ANKRD12: variants seen among roughly 807,000 people sequenced by gnomAD.
The protein encoded by ANKRD12 is ankyrin repeat domain-containing protein 12.
ANKRD12 carries 85 observed loss-of-function variants against 183.4 expected under a neutral mutation model. That is an observed-to-expected ratio of 0.46 (90% confidence interval 0.39 to 0.56). The LOEUF (loss-of-function observed/expected upper bound fraction) is 0.56. Among genes scored for constraint, ANKRD12 ranks in the 20% least tolerant of loss-of-function variants. ANKRD12 has a pLI of 0.00. For synonymous variants in ANKRD12, 914 were observed against 800.2 expected (o/e 1.14, Z -2.40); for missense variants, 2,405 against 2,357.1 (o/e 1.02, Z -0.42).
At chr18:9,188,287 A>G (rs898645228) in intron 2 of ANKRD12, among the ~76,000 whole-genome samples, 8 of 152,232 alleles carry the variant, frequency 5.3e-5, no homozygotes, top group African/African-American at 1.9e-4. Flanking sequence ...TATGATGGGC[A>G]GTAAGTCTGC....
chr18:9,138,054 A>G (rs1174449190), intron 1 of ANKRD12, among the ~76,000 whole-genome samples: 6 of 152,220 alleles, frequency 3.9e-5, no homozygotes, highest in Non-Finnish European at 7.3e-5. Flanking sequence ...TGTGTTGCAG[A>G]TCCAGTGCTG....
intron 11 of ANKRD12, among the ~76,000 whole-genome samples, chr18:9,276,382 A>G (rs980914896): frequency 6.6e-6 from 1 of 152,172 alleles, no homozygotes; most frequent in African/African-American, 2.4e-5. Context: ...TTTCTCATCT[A>G]TAAAAAAATC....
chr18:9,199,080 G>A (rs548477232), intron 3 of ANKRD12, among the ~76,000 whole-genome samples: 4 of 152,102 alleles, frequency 2.6e-5, no homozygotes, highest in Admixed American at 6.6e-5. Context: ...ATCACTTGAG[G>A]CCAGGAGTTT....
chr18:9,265,956 G>A (rs985611895), intron 10 of ANKRD12, among the ~76,000 whole-genome samples: 3 of 152,178 alleles, frequency 2.0e-5, no homozygotes, highest in South Asian at 2.1e-4. Context: ...ACCAAGGCAC[G>A]AGAACTACAT....
chr18:9,260,445 ATGC>A (rs1474722152), intron 9 of ANKRD12: 2 of 152,206 alleles, frequency 1.3e-5, no homozygotes, highest in African/African-American at 4.8e-5. Flanking sequence ...TTTAATCAAA[ATGC>A]TGCCATTTTT....
chr18:9,169,213 T>C (rs919728695), intron 1 of ANKRD12, among the ~76,000 whole-genome samples: 2 of 152,338 alleles, frequency 1.3e-5, no homozygotes, highest in Non-Finnish European at 2.9e-5. Flanking sequence ...TGGAGAGTTC[T>C]GTAGATGTCT....
chr18:9,148,510 TTTA>T (rs2078569068), intron 1 of ANKRD12, among the ~76,000 whole-genome samples: 1 of 152,212 alleles, frequency 6.6e-6, no homozygotes, highest in South Asian at 2.1e-4. Context: ...TAATGAAAAT[TTTA>T]TTTTTTAAAA....
intron 1 of ANKRD12, among the ~76,000 whole-genome samples, chr18:9,160,866 G>T (rs1275596689): frequency 6.6e-6 from 1 of 152,168 alleles, no homozygotes; most frequent in Non-Finnish European, 1.5e-5. Flanking sequence ...TTTAGATAGG[G>T]TTGAAATGAA....
intron 1 of ANKRD12, among the ~76,000 whole-genome samples, chr18:9,176,049 A>G (rs12958093): frequency 0.56 from 85,426 of 151,920 alleles, 25,029 homozygotes; most frequent in South Asian, 0.75. Flanking sequence ...AAGGATGTTT[A>G]TCTGTGTATC....
At chr18:9,237,066 T>TA (rs2037389435) in intron 8 of ANKRD12, among the ~76,000 whole-genome samples, 1 of 152,014 alleles carries the variant, frequency 6.6e-6, no homozygotes, top group Non-Finnish European at 1.5e-5. Context: ...TTACACATTT[T>TA]AAAAAAAGAA....
At chr18:9,164,514 C>G (rs1048189164) in intron 1 of ANKRD12, among the ~76,000 whole-genome samples, 1 of 152,118 alleles carries the variant, frequency 6.6e-6, no homozygotes, top group Non-Finnish European at 1.5e-5. Flanking sequence ...TGGTATCTTC[C>G]TAGCTTTTTG....
chr18:9,257,970 C>G lies in ANKRD12; in HGVS notation c.4703C>G (p.Thr1568Ser). The change falls in exon 9 of 13, where the codon ACT (threonine) becomes AGT (serine). Residue 1568 changes from threonine to serine, a missense_variant. Physicochemically the swap from Thr to Ser is moderately conservative, Grantham distance 58 (BLOSUM62 1). Around this residue, in one of 7 missense-constraint regions of ANKRD12, gnomAD observed 1,983 missense variants for 1,725.9 expected, o/e 1.15. Transcript: ENST00000262126. The stretch of plus-strand genomic sequence containing the variant: ...TTTGTCCCAGTGTACTCTGACAGCA[C>G]TATTCAAGAAGCATCACCAAACTTT... ...DAFVPVYSDS[T>S]IQEASPNFEK... 1 of 1,613,904 alleles carries G rather than the reference C, an allele frequency of 6.2e-7. No homozygotes were observed.
intron 8 of ANKRD12, among the ~76,000 whole-genome samples, chr18:9,225,049 C>T (rs544284072): frequency 4.6e-5 from 7 of 151,578 alleles, no homozygotes; most frequent in Non-Finnish European, 8.8e-5. Flanking sequence ...CAAGCTCCTG[C>T]CTCCAAAAAA....
At position 9,254,708 on chromosome 18, in the gene ANKRD12, A is replaced by G; in HGVS notation, c.1441A>G (p.Lys481Glu). Residue 481 changes from lysine (K) to glutamate (E), a missense_variant, in exon 9 of 13, where the codon AAA (lysine) becomes GAA (glutamate). Physicochemically the swap from Lys to Glu is moderately conservative, Grantham distance 56 (BLOSUM62 1). This residue lies in a region of ANKRD12 where 1,983 missense variants were observed against 1,725.9 expected (regional missense o/e 1.15). Coordinates refer to ENST00000262126, the MANE Select transcript of ANKRD12 (RefSeq NM_015208.5). ...TAAAAGAAAATTGAAAAATCAGAAT[A>G]AAAATAAAGAGAACCAAGAGCTAAA... ...KVKRKLKNQN[K>E]NKENQELKQE... The G allele has an allele frequency of 6.6e-7, 1 of 1,518,394 alleles. No individual in the cohort carries two copies. The highest frequency in any genetic ancestry group is 8.8e-7 in the Non-Finnish European group (1 of 1,136,660). 94.1% of individuals were successfully genotyped at this position (1,518,394 alleles called of 1,614,324 possible). A position where few individuals can be genotyped will look rare whatever the true frequency, so the allele number is the denominator to read the frequency against.
chr18:9,196,843 C>CT lies in ANKRD12; in HGVS notation c.235+1155dup, dbSNP rs572803235. On this transcript the variant is annotated intron_variant, in intron 3 of 12. Transcript: ENST00000262126. ...CTGGTTTCTTTGAGAGATTCAGAAT[C>CT]TTTTTTTTTTCCCCCCGAAGCATCC... is the stretch of plus-strand genomic sequence containing the variant. Among the ~76,000 whole-genome samples, 291 of 149,886 alleles carry CT rather than the reference C, an allele frequency of 1.9e-3. 1 individual carries two copies. The highest frequency in any genetic ancestry group is 5.4e-3 in the African/African-American group (220 of 40,972).
At chr18:9,149,019 C>T (rs1028866834) in intron 1 of ANKRD12, among the ~76,000 whole-genome samples, 3 of 152,146 alleles carry the variant, frequency 2.0e-5, no homozygotes, top group African/African-American at 7.2e-5. Context: ...TCCTCCCACA[C>T]CAGCCCCATC....
chr18:9,207,228 A>G (rs1039860144), intron 4 of ANKRD12, among the ~76,000 whole-genome samples: 2 of 152,132 alleles, frequency 1.3e-5, no homozygotes, highest in East Asian at 1.9e-4. Flanking sequence ...AATGCAGCGT[A>G]AGTTAGGAAA....
At chr18:9,198,351 T>C (rs2034964507) in intron 3 of ANKRD12, among the ~76,000 whole-genome samples, 2 of 145,134 alleles carry the variant, frequency 1.4e-5, no homozygotes, top group South Asian at 4.3e-4. Context: ...ACATCAATAG[T>C]AATCAAGAAA....
intron 7 of ANKRD12, among the ~76,000 whole-genome samples, chr18:9,221,477 TTCAA>T (rs2036417932): frequency 1.3e-5 from 2 of 152,214 alleles, no homozygotes; most frequent in Non-Finnish European, 2.9e-5. Flanking sequence ...AGACACACAT[TTCAA>T]GAGGCCAGGG....
Sources: allele counts gnomAD v4.1 joint callset (sites outside exome capture counted in the v4.1 genomes callset), GRCh38; gene constraint gnomAD v4.1.1; regional missense constraint gnomAD v4.1.1; transcripts MANE v1.5; gene names NCBI Gene and HGNC (gene_info 2026-07-23, HGNC 2026-07-21).